The following KCNQ3 variants were observed in gnomAD, a reference collection of about 807,000 sequenced individuals.
KCNQ3 encodes the protein potassium voltage-gated channel subfamily KQT member 3.
KCNQ3 carries 30 observed loss-of-function variants against 92.5 expected under a neutral mutation model. That is an observed-to-expected ratio of 0.32 (90% CI 0.24 to 0.44). KCNQ3 has a LOEUF of 0.44. Ranked by LOEUF, KCNQ3 falls within the 20% of genes least tolerant of loss-of-function variation. The pLI is 1.00. For missense variants in KCNQ3, 913 were observed against 1,140.3 expected, an observed-to-expected ratio of 0.80 and a Z score of 2.87; for synonymous variants, 450 against 468.8, an observed-to-expected ratio of 0.96 and a Z score of 0.52.
At chr8:132,386,228 T>C (rs1208355043) in intron 1 of KCNQ3, among the ~76,000 whole-genome samples, 3 of 152,130 alleles carry the variant, frequency 2.0e-5, no homozygotes, top group Admixed American at 2.0e-4. Flanking sequence ...TTGCATGCTG[T>C]CAATATTAAA....
At chr8:132,161,470 A>G (rs559563672) in intron 9 of KCNQ3, among the ~76,000 whole-genome samples, 18 of 152,098 alleles carry the variant, frequency 1.2e-4, no homozygotes. Context: ...CTCTACTAAA[A>G]AAGATACAAA....
chr8:132,179,958 C>T (rs148839284), intron 4 of KCNQ3, among the ~76,000 whole-genome samples, 199 bp downstream of exon 4: 1,604 of 152,322 alleles, frequency 0.011, 32 homozygotes, highest in African/African-American at 0.037. Flanking sequence ...CCTGTTCCTG[C>T]TCCCTGAACC....
chr8:132,243,767 C>T (rs1023142314), intron 1 of KCNQ3, among the ~76,000 whole-genome samples: 2 of 152,204 alleles, frequency 1.3e-5, no homozygotes, highest in African/African-American at 4.8e-5. Context: ...AAGTACTCAA[C>T]AATTGTTCAT....
intron 1 of KCNQ3, among the ~76,000 whole-genome samples, chr8:132,460,045 C>A (rs1822028118): frequency 6.6e-6 from 1 of 152,144 alleles, no homozygotes. Context: ...GACATACTCC[C>A]ATCAATATGG....
chr8:132,154,235 C>CTTTT (rs1554624578), intron 9 of KCNQ3, among the ~76,000 whole-genome samples: 1 of 66,040 alleles, frequency 1.5e-5, no homozygotes. Context: ...GCCAATCAGG[C>CTTTT]TTTTTGCCCC....
At chr8:132,358,684 G>T (rs1397688727) in intron 1 of KCNQ3, among the ~76,000 whole-genome samples, 2 of 152,228 alleles carry the variant, frequency 1.3e-5, no homozygotes, top group African/African-American at 4.8e-5. Context: ...AGCACTTCAC[G>T]TGGAATTCAA....
intron 1 of KCNQ3, among the ~76,000 whole-genome samples, chr8:132,459,251 C>G (rs2130856802): frequency 6.6e-6 from 1 of 152,294 alleles, no homozygotes; most frequent in East Asian, 1.9e-4. Flanking sequence ...TGATGTTAAC[C>G]TGGATCACCT....
intron 1 of KCNQ3, among the ~76,000 whole-genome samples, chr8:132,296,250 G>A (rs940077661): frequency 7.9e-5 from 12 of 152,130 alleles, no homozygotes; most frequent in East Asian, 1.9e-4. Context: ...GCTTTTCAGC[G>A]AGGTCCTGTA....
At chr8:132,332,089 T>G (rs979134432) in intron 1 of KCNQ3, among the ~76,000 whole-genome samples, 11 of 152,192 alleles carry the variant, frequency 7.2e-5, no homozygotes, top group Admixed American at 1.3e-4. Context: ...CTGATTAGGA[T>G]ATAAAAAGAC....
intron 1 of KCNQ3, among the ~76,000 whole-genome samples, chr8:132,339,824 A>C (rs1424177918): frequency 1.3e-5 from 2 of 152,084 alleles, no homozygotes; most frequent in African/African-American, 4.8e-5. Flanking sequence ...AATCCTGGCG[A>C]CACCCAGACC....
Position 132,481,052 on chromosome 8 carries a change from T to TCAGCAG in KCNQ3, c.-526_-521dup, listed in dbSNP as rs1201110081. Reference sequence around the variant, plus strand: ...CCCCGCCCGTTCCAGCCTCAGCCTGTCAGCAGCAGCAGCAGCGAGCGCGCC... The same window carrying TCAGCAG: ...CCCCGCCCGTTCCAGCCTCAGCCTGTCAGCAGCAGCAGCAGCAGCAGCGAGCGCGCC... On this transcript the variant is annotated 5_prime_UTR_variant, in exon 1 of 15. Transcript: ENST00000388996. 7.3e-5 allele frequency: 11 copies of TCAGCAG among 151,450 alleles called. No homozygotes were observed. The highest frequency in any genetic ancestry group is 1.8e-4 in the South Asian group (1 of 5,548). 9.4% of individuals were successfully genotyped at this position (151,450 alleles called of 1,614,324 possible). A position where few individuals can be genotyped will look rare whatever the true frequency, so the allele number is the denominator to read the frequency against.
intron 3 of KCNQ3, among the ~76,000 whole-genome samples, chr8:132,181,508 T>C (rs1041194705): frequency 6.6e-6 from 1 of 152,178 alleles, no homozygotes; most frequent in East Asian, 1.9e-4. Flanking sequence ...AAGTGAAGTA[T>C]AGTCTTTCCC....
At chr8:132,366,902 T>C (rs1819338058) in intron 1 of KCNQ3, among the ~76,000 whole-genome samples, 1 of 152,214 alleles carries the variant, frequency 6.6e-6, no homozygotes, top group South Asian at 2.1e-4. Context: ...GATTGGACTG[T>C]AATTTTCTAT....
chr8:132,136,188 A>AGAT (rs942163761), intron 12 of KCNQ3, among the ~76,000 whole-genome samples: 8 of 151,246 alleles, frequency 5.3e-5, no homozygotes, highest in African/African-American at 1.7e-4. Context: ...CCAAGCTGAC[A>AGAT]GATAGCATCA....
At position 132,390,543 on chromosome 8, in the gene KCNQ3, G is replaced by C. The variant is rs565957236; in HGVS notation, c.386+89604C>G. The stretch of plus-strand genomic sequence containing the variant: ...TGAAATCAGGATCTTTGAGAGCAGG[G>C]TGTGGTATGGGTGTTTTGTAAACAT... On this transcript the variant is annotated intron_variant, in intron 1 of 14. Coordinates refer to ENST00000388996, the MANE Select transcript of KCNQ3 (RefSeq NM_004519.4). 5.3e-5 allele frequency among the ~76,000 whole-genome samples: 8 copies of C among 152,328 alleles called. No homozygotes were observed. In the East Asian group the frequency reaches 1.3e-3, roughly 26 times the overall value.
At chr8:132,430,180 T>C (rs756506496) in intron 1 of KCNQ3, among the ~76,000 whole-genome samples, 5 of 152,150 alleles carry the variant, frequency 3.3e-5, no homozygotes, top group African/African-American at 4.8e-5. Flanking sequence ...TGCTTTAGAT[T>C]TAGATTTCCA....
intron 1 of KCNQ3, among the ~76,000 whole-genome samples, chr8:132,223,690 G>C (rs772069594): frequency 6.6e-6 from 1 of 152,122 alleles, no homozygotes; most frequent in Non-Finnish European, 1.5e-5. Context: ...GGGCCATATA[G>C]TATGCGTGGA....
intron 1 of KCNQ3, among the ~76,000 whole-genome samples, chr8:132,426,645 T>C (rs1821120623): frequency 6.6e-6 from 1 of 152,230 alleles, no homozygotes; most frequent in South Asian, 2.1e-4. Context: ...AATGGAATGA[T>C]TAAAGCACCA....
intron 1 of KCNQ3, among the ~76,000 whole-genome samples, chr8:132,244,192 CAAT>C (rs1815083999): frequency 6.6e-6 from 1 of 152,140 alleles, no homozygotes; most frequent in African/African-American, 2.4e-5. Flanking sequence ...CCTGAGCCAA[CAAT>C]GACTATCTTT....
Sources: allele counts gnomAD v4.1 joint callset (sites outside exome capture counted in the v4.1 genomes callset), GRCh38; gene constraint gnomAD v4.1.1; transcripts MANE v1.5; gene names NCBI Gene and HGNC (gene_info 2026-07-23, HGNC 2026-07-21).